Variants in TCIRG1 observed in about 807,000 individuals in gnomAD.
The protein encoded by TCIRG1 is V-type proton ATPase 116 kDa subunit a 3.
TCIRG1 carries 86 observed loss-of-function variants against 95.5 expected under a neutral mutation model. The ratio of observed to expected loss-of-function variants is 0.90; its 90% CI spans 0.76 to 1.08. TCIRG1 has a LOEUF of 1.08. TCIRG1 is among the 50% of genes least tolerant of loss of function. The pLI, the probability that TCIRG1 is intolerant of heterozygous loss-of-function variation, is 0.00. For synonymous variants in TCIRG1, 499 were observed against 501.3 expected, an observed-to-expected ratio of 1.00 and a Z score of 0.06; for missense variants, 1,069 against 1,140.2, an observed-to-expected ratio of 0.94 and a Z score of 0.90.
At position 68,042,837 on chromosome 11, in the gene TCIRG1, G is replaced by A. The variant is rs377377656; in HGVS notation, c.391G>A (p.Val131Met). ...QLHQLQLHAA[V>M]LRQGHEPQLA... is the part of the protein sequence containing the mutation. The stretch of plus-strand genomic sequence containing the variant: ...GCACCAGCTGCAGCTCCACGCCGCC[G>A]TGCTACGCCAGGGCCATGAACCTCA... Residue 131 changes from valine (V) to methionine (M), a missense_variant, in exon 4 of 20, where the codon GTG (valine) becomes ATG (methionine). By Grantham distance (21) the Val-to-Met change is conservative. Transcript: ENST00000265686. 14 of 1,548,988 alleles carry A rather than the reference G, an allele frequency of 9.0e-6. No homozygotes were observed. Among genetic ancestry groups the A allele is most frequent in the African/African-American group, 8.2e-5 (6 of 73,012 alleles).
At chr11:68,045,704 C>G (rs977871752) in intron 10 of TCIRG1, among the ~76,000 whole-genome samples, 4 of 152,160 alleles carry the variant, frequency 2.6e-5, no homozygotes, top group African/African-American at 9.7e-5. Flanking sequence ...CAGGCACGCA[C>G]CACCACGCCT....
At chr11:68,047,361 C>T (rs879165252) in intron 10 of TCIRG1, 72 bp from the exon 11 acceptor site, 30 of 1,534,420 alleles carry the variant, frequency 2.0e-5, no homozygotes, top group East Asian at 5.2e-5. Flanking sequence ...GCAGGGCCTC[C>T]GTGGCGTCTT....
rs1855290865 is a variant in TCIRG1 at position 68,043,570 on chromosome 11, G to T, written c.631-1G>T. On this transcript the variant is annotated splice_acceptor_variant, in intron 6 of 19. Coordinates refer to ENST00000265686, the MANE Select transcript of TCIRG1 (RefSeq NM_006019.4). LOFTEE classifies it high-confidence loss of function. ...CAGAGTCAGCTGAGCCTGCTCTGCA[G>T]GGCGAGCCAGCCACGTGGATGACCT... 1 of 1,607,922 alleles carries T rather than the reference G, an allele frequency of 6.2e-7. No homozygotes were observed.
rs1590819770 is a variant in TCIRG1, at chr11:68,050,740, G to A, written c.2415-1G>A. ...CCAACCCCTCTGCTTCTCACCCCCA[G>A]GGTGGAATTCCAGAACAAGTTCTAC... On this transcript the variant is annotated splice_acceptor_variant, in intron 19 of 19. Coordinates refer to ENST00000265686, the MANE Select transcript of TCIRG1 (RefSeq NM_006019.4). LOFTEE classifies it high-confidence loss of function. The A allele has an allele frequency of 6.2e-7, 1 of 1,613,814 alleles. No individual in the cohort carries two copies. The highest frequency in any genetic ancestry group is 8.5e-7 in the Non-Finnish European group (1 of 1,180,028).
chr11:68,049,844 G>T, intron 16 of TCIRG1, 56 bp downstream of exon 16: 4 of 1,555,450 alleles, frequency 2.6e-6, no homozygotes, highest in African/African-American at 2.7e-5. Flanking sequence ...CCACTGTCCG[G>T]TGTGTCCCTG....
intron 14 of TCIRG1, 41 bp downstream of exon 14, chr11:68,049,038 C>A (rs1277179894): frequency 6.2e-7 from 1 of 1,612,780 alleles, no homozygotes; most frequent in Admixed American, 1.7e-5. Flanking sequence ...GGCTGGCAGG[C>A]CAGAGTGGGC....
Position 68,049,122 on chromosome 11 carries a change from C to T in TCIRG1, c.1715C>T (p.Pro572Leu), listed in dbSNP as rs115854062. 1.8e-4 allele frequency: 294 copies of T among 1,613,768 alleles called. 2 individuals are homozygous for T. In the African/African-American group the frequency reaches 2.9e-3, roughly 16 times the overall value. The change falls in exon 15 of 20, where the codon CCG becomes CTG. Residue 572 changes from proline (P) to leucine (L), a missense_variant. Coordinates refer to ENST00000265686, the MANE Select transcript of TCIRG1 (RefSeq NM_006019.4). The part of the protein sequence containing the change: ...QRHRLLLETL[P>L]ELTFLLGLFG... ...CACCGGCTGCTGCTGGAGACGCTGC[C>T]GGAGCTCACCTTCCTGCTGGGACTC...
chr11:68,049,682 T>G lies in TCIRG1; in HGVS notation c.1907T>G (p.Leu636Arg). 6.2e-7 allele frequency: 1 copy of G among 1,600,918 alleles called. No homozygotes were observed. The highest frequency in any genetic ancestry group is 8.5e-7 in the Non-Finnish European group (1 of 1,178,834). Residue 636 changes from leucine to arginine, a missense_variant, in exon 16 of 20, where the codon CTG (leucine) becomes CGG (arginine). Transcript: ENST00000265686. Reference protein sequence around the residue: ...YPRQEVVQATLVVLALAMVPI... With the variant: ...YPRQEVVQATRVVLALAMVPI... ...TGGCAGGAGGTGGTCCAGGCCACGC[T>G]GGTGGTCCTGGCCTTGGCCATGGTG...
At chr11:68,050,905 C>T (rs944383027), downstream of TCIRG1, 10 of 1,432,764 alleles carry the variant, frequency 7.0e-6, no homozygotes, top group African/African-American at 2.8e-5. Context: ...AGTGATGTCT[C>T]GTCTCTCTTC....
Position 68,044,989 on chromosome 11 carries a change from G to T in TCIRG1, c.1052G>T (p.Arg351Leu). The change falls in exon 10 of 20, where the codon CGC becomes CTC. Residue 351 changes from arginine (R) to leucine (L), a missense_variant. Arg to Leu is a moderately radical substitution (Grantham distance 102, BLOSUM62 -2). Transcript: ENST00000265686. ...MEEGVSAVAH[R>L]IPCRDMPPTL... ...GAGGGAGTGAGTGCCGTGGCTCACC[G>T]CATCCCCTGCCGGGACATGCCCCCC... The T allele has an allele frequency of 1.9e-6, 3 of 1,608,598 alleles. No individual in the cohort carries two copies. Among genetic ancestry groups the T allele is most frequent in the Non-Finnish European group, 2.5e-6 (3 of 1,179,968 alleles).
chr11:68,052,605 C>T (rs1855835579), downstream of TCIRG1, among the ~76,000 whole-genome samples: 1 of 152,218 alleles, frequency 6.6e-6, no homozygotes, highest in East Asian at 1.9e-4. Flanking sequence ...GCACTGCTCC[C>T]AGTCTCCAAC....
chr11:68,042,887 A>C (rs771020574), intron 4 of TCIRG1, 24 bp downstream of exon 4: 5 of 1,549,666 alleles, frequency 3.2e-6, no homozygotes, highest in African/African-American at 1.4e-5. Context: ...CAGGCAGGAG[A>C]CTGGGGGGCT....
intron 3 of TCIRG1, 50 bp downstream of exon 3, chr11:68,041,881 T>A (rs946502455): frequency 4.6e-6 from 7 of 1,508,158 alleles, no homozygotes; most frequent in Non-Finnish European, 5.4e-6. Context: ...GGAGGAGGCA[T>A]GGGCCAAGTT....
At chr11:68,043,159 C>T (rs1855263071) in intron 5 of TCIRG1, 128 bp downstream of exon 5, 1 of 1,524,736 alleles carries the variant, frequency 6.6e-7, no homozygotes, top group Non-Finnish European at 8.8e-7. Flanking sequence ...CCTCCTCCTT[C>T]AGGCCCGGAA....
At position 68,050,122 on chromosome 11, in the gene TCIRG1, G is replaced by A. The variant is rs763370249; in HGVS notation, c.2119-15G>A. On this transcript the variant is annotated splice_polypyrimidine_tract_variant and intron_variant, in intron 17 of 19. Coordinates refer to ENST00000265686, the MANE Select transcript of TCIRG1 (RefSeq NM_006019.4). ...GGCTGAGGCCCTGCCGGCCCTCACT[G>A]CACCCGCCCCGCAGCTCGTCCCCTC... 2.5e-6 allele frequency: 4 copies of A among 1,612,418 alleles called. No individual in the cohort carries two copies. The East Asian group carries it at 8.9e-5, about 36-fold the overall frequency.
chr11:68,045,250 G>T, intron 10 of TCIRG1, 148 bp downstream of exon 10: 1 of 1,025,930 alleles, frequency 9.7e-7, no homozygotes, highest in South Asian at 1.4e-5. Context: ...TCAAGGGGCT[G>T]TTGGGCTCTG....
chr11:68,044,888 C>T, intron 9 of TCIRG1, 70 bp from the exon 10 acceptor site: 1 of 1,592,740 alleles, frequency 6.3e-7, no homozygotes, highest in Non-Finnish European at 8.5e-7. Flanking sequence ...CCAGCTGGGC[C>T]TGGCTGGAGA....
At position 68,047,265 on chromosome 11, in the gene TCIRG1, C is replaced by CCCT. The variant is rs1554997476; in HGVS notation, c.1166-166_1166-165insTCC. On this transcript the variant is annotated intron_variant, in intron 10 of 19. Coordinates refer to ENST00000265686, the MANE Select transcript of TCIRG1 (RefSeq NM_006019.4). ...ACCTCGGGTGATGCCCCCCCCCCCCCCCGTCTCGGCCTCCCAGAGTGCTGG... is the reference window on the plus strand; with the variant it reads ...ACCTCGGGTGATGCCCCCCCCCCCCCCCTCCGTCTCGGCCTCCCAGAGTGCTGG... Among the ~76,000 whole-genome samples, 6 of 113,986 alleles carry CCCT rather than the reference C, an allele frequency of 5.3e-5. 1 individual carries two copies. The highest frequency in any genetic ancestry group is 2.1e-4 in the African/African-American group (6 of 28,850). The allele number at this position is 113,986 out of a possible 152,430, so 74.8% of individuals were successfully genotyped here. A position where few individuals can be genotyped will look rare whatever the true frequency, so the allele number is the denominator to read the frequency against.
intron 3 of TCIRG1, among the ~76,000 whole-genome samples, chr11:68,042,065 C>T (rs537717455): frequency 6.6e-6 from 1 of 151,952 alleles, no homozygotes; most frequent in African/African-American, 2.4e-5. Context: ...GGGGAGGCCT[C>T]GAATACAGCA....
Sources: gnomAD v4.1 joint callset for allele counts (sites outside exome capture counted in the v4.1 genomes callset) on GRCh38, gnomAD v4.1.1 for gene constraint, MANE v1.5 for transcripts, NCBI Gene and HGNC (gene_info 2026-07-23, HGNC 2026-07-21) for gene names.